Variants in AKAP7 observed in about 807,000 individuals in gnomAD.
AKAP7 encodes the protein A kinase (PRKA) anchor protein 7.
In AKAP7, 39 loss-of-function variants were observed where a neutral mutation model predicts 39.5. The observed-to-expected ratio is 0.99, with a 90% CI of 0.76 to 1.29. AKAP7 has a LOEUF of 1.29. AKAP7 is among the 50% of genes most tolerant of loss of function. The pLI, the probability that AKAP7 is intolerant of heterozygous loss-of-function variation, is 0.00. For missense variants in AKAP7, 414 were observed against 407.7 expected (o/e 1.02, Z -0.13); for synonymous variants, 140 against 139.1 (o/e 1.01, Z -0.05).
chr6:131,225,848 T>C (rs548735917), intron 7 of AKAP7, among the ~76,000 whole-genome samples: 11 of 152,368 alleles, frequency 7.2e-5, no homozygotes, highest in African/African-American at 2.6e-4. Flanking sequence ...AATTATTTTC[T>C]AGGATTTCTT....
chr6:131,224,714 GTTTCCAGTT>G (rs559547346), intron 7 of AKAP7, among the ~76,000 whole-genome samples: 7,013 of 115,914 alleles, frequency 0.061, 496 homozygotes, highest in African/African-American at 0.18. Flanking sequence ...CGTTTGTAAA[GTTTCCAGTT>G]GATTCACTTT....
chr6:131,132,781 C>G (rs771416140), upstream of AKAP7, among the ~76,000 whole-genome samples: 1 of 152,210 alleles, frequency 6.6e-6, no homozygotes, highest in African/African-American at 2.4e-5. Context: ...TATGGCAAGA[C>G]TACCTTGCAG....
intron 7 of AKAP7, chr6:131,250,496 G>T: frequency 6.2e-7 from 1 of 1,611,712 alleles, no homozygotes; most frequent in South Asian, 1.1e-5. Flanking sequence ...CGCAGACTGT[G>T]CTATAAACTG....
At chr6:131,194,609 C>T (rs779354494) in intron 5 of AKAP7, among the ~76,000 whole-genome samples, 1 of 151,990 alleles carries the variant, frequency 6.6e-6, no homozygotes, top group Non-Finnish European at 1.5e-5. Context: ...AAGGTATGTC[C>T]AGTGCTGAAA....
At chr6:131,270,178 AT>A (rs1562256595) in intron 7 of AKAP7, among the ~76,000 whole-genome samples, 2 of 152,188 alleles carry the variant, frequency 1.3e-5, no homozygotes, top group African/African-American at 4.8e-5. Flanking sequence ...CACAATCAAG[AT>A]TGTGAACAGT....
intron 7 of AKAP7, among the ~76,000 whole-genome samples, chr6:131,277,523 G>A (rs750829155): frequency 1.0e-3 from 158 of 152,342 alleles, no homozygotes; most frequent in Non-Finnish European, 6.5e-4. Flanking sequence ...GTTAAAATGA[G>A]TGTAGCCATT....
At chr6:131,236,921 G>T (rs190191068) in intron 7 of AKAP7, among the ~76,000 whole-genome samples, 24 of 152,184 alleles carry the variant, frequency 1.6e-4, no homozygotes, top group African/African-American at 5.8e-4. Context: ...TGATTGCCCT[G>T]GCCAGAACTT....
chr6:131,182,821 T>C (rs1352021381), intron 5 of AKAP7, among the ~76,000 whole-genome samples: 1 of 152,242 alleles, frequency 6.6e-6, no homozygotes, highest in Non-Finnish European at 1.5e-5. Flanking sequence ...TGGCCCTTTT[T>C]TTTTAACCCA....
At chr6:131,271,892 G>T (rs1297478599) in intron 7 of AKAP7, among the ~76,000 whole-genome samples, 1 of 152,170 alleles carries the variant, frequency 6.6e-6, no homozygotes, top group African/African-American at 2.4e-5. Context: ...AAGTAGAAAA[G>T]CATTGGTAGT....
In AKAP7 at chr6:131,164,979, T is replaced by C. The variant is rs1803341798; in HGVS notation, c.292-102T>C. 3 of 858,022 alleles carry C rather than the reference T, an allele frequency of 3.5e-6. No homozygotes were observed. The African/African-American group carries it at 5.2e-5, about 15-fold the overall frequency. The allele number at this position is 858,022 out of a possible 1,614,324, so 53.2% of individuals were successfully genotyped here. A position where few individuals can be genotyped will look rare whatever the true frequency, so the allele number is the denominator to read the frequency against. ...AAGAATCTTAACATTGTTCTAATTTTGGTTGTTGCTTATTTTTCTTCTTGA... is the reference window on the plus strand; with the variant it reads ...AAGAATCTTAACATTGTTCTAATTTCGGTTGTTGCTTATTTTTCTTCTTGA... On this transcript the variant is annotated intron_variant, in intron 3 of 7. Coordinates refer to ENST00000431975, the MANE Select transcript of AKAP7 (RefSeq NM_016377.4).
At chr6:131,126,954 C>A in the AKAP7 span, among the ~76,000 whole-genome samples, 2 of 152,108 alleles carry the variant, frequency 1.3e-5, no homozygotes, top group African/African-American at 4.8e-5. Context: ...GTGAGATTGA[C>A]TGATGAAAAG....
chr6:131,176,338 A>C (rs902543073), intron 5 of AKAP7, among the ~76,000 whole-genome samples: 1 of 151,810 alleles, frequency 6.6e-6, no homozygotes, highest in African/African-American at 2.4e-5. Flanking sequence ...ATTACCCAGT[A>C]GCTGATAGAA....
intron 7 of AKAP7, among the ~76,000 whole-genome samples, chr6:131,230,783 G>A (rs933776154): frequency 2.0e-5 from 3 of 152,128 alleles, no homozygotes; most frequent in Non-Finnish European, 1.5e-5. Context: ...AGAATGTAGA[G>A]TATAAAAAGT....
intron 7 of AKAP7, among the ~76,000 whole-genome samples, chr6:131,240,063 G>T (rs956930177): frequency 6.6e-6 from 1 of 152,116 alleles, no homozygotes; most frequent in African/African-American, 2.4e-5. Context: ...CTTTGATGAT[G>T]GTGACGTACA....
At chr6:131,208,712 T>C (rs962030520) in intron 6 of AKAP7, among the ~76,000 whole-genome samples, 2 of 152,242 alleles carry the variant, frequency 1.3e-5, no homozygotes, top group African/African-American at 4.8e-5. Context: ...ATGCAAATGC[T>C]TATTGTGAAT....
chr6:131,141,899 C>CTTTTTTTT (rs773131426), intron 1 of AKAP7, among the ~76,000 whole-genome samples: 62 of 116,068 alleles, frequency 5.3e-4, no homozygotes, highest in Non-Finnish European at 7.1e-4. Context: ...TTCTTTCTTT[C>CTTTTTTTT]TTTTTTTTTT....
intron 2 of AKAP7, among the ~76,000 whole-genome samples, chr6:131,155,581 C>T (rs550978512): frequency 6.6e-6 from 1 of 152,218 alleles, no homozygotes; most frequent in East Asian, 1.9e-4. Flanking sequence ...CTATAAAGAA[C>T]TTTACCTTAG....
intron 7 of AKAP7, among the ~76,000 whole-genome samples, chr6:131,248,519 T>A (rs1182494300): frequency 6.6e-6 from 1 of 152,248 alleles, no homozygotes; most frequent in African/African-American, 2.4e-5. Flanking sequence ...TTTCCTTTGT[T>A]ATTTTGATCA....
intron 5 of AKAP7, among the ~76,000 whole-genome samples, chr6:131,170,080 T>C (rs1219830435): frequency 7.1e-6 from 1 of 140,564 alleles, no homozygotes; most frequent in Admixed American, 7.9e-5. Flanking sequence ...AACCTGGGAA[T>C]GGTGGGAATT....
Sources: gnomAD v4.1 joint callset for allele counts (sites outside exome capture counted in the v4.1 genomes callset) on GRCh38, gnomAD v4.1.1 for gene constraint, MANE v1.5 for transcripts, NCBI Gene and HGNC (gene_info 2026-07-23, HGNC 2026-07-21) for gene names.